OGG1: variants seen among roughly 807,000 people sequenced by gnomAD.
OGG1 encodes the protein N-glycosylase/DNA lyase.
Under a neutral mutation model 42.3 loss-of-function variants are expected in OGG1, and 35 were observed. The ratio of observed to expected loss-of-function variants is 0.83; its 90% CI spans 0.63 to 1.10. OGG1 has a LOEUF of 1.10. OGG1 is among the 50% of genes least tolerant of loss of function. The probability of loss-of-function intolerance (pLI) is 0.00; values close to 1 mark genes in which losing one functional copy is unlikely to be tolerated. For synonymous variants in OGG1, 189 were observed against 179.0 expected (o/e 1.06, Z -0.44); for missense variants, 484 against 446.7 (o/e 1.08, Z -0.75).
intron 3 of OGG1, among the ~76,000 whole-genome samples, chr3:9,785,942 G>GTT (rs555853526): frequency 2.8e-4 from 40 of 144,094 alleles, no homozygotes; most frequent in South Asian, 4.4e-4. Context: ...GTTTTGTTTT[G>GTT]TTTTTTTTTT....
At position 9,777,131 on chromosome 3, in the gene OGG1, G is replaced by A. The variant is rs1041662849; in HGVS notation, c.295-4382G>A. 3.9e-5 allele frequency among the ~76,000 whole-genome samples: 6 copies of A among 152,158 alleles called. No homozygotes were observed. The South Asian group carries it at 8.3e-4, about 21-fold the overall frequency. On this transcript the variant is annotated intron_variant, in intron 2 of 3. Coordinates refer to the OGG1 transcript ENST00000426518. ...CTGTGGGTCAGAGCTCACCCTCCCC[G>A]TTCTCACTCACCCTGGTGTTGCTGA...
chr3:9,758,843 T>A (rs2077711292), downstream of OGG1: 2 of 308,284 alleles, frequency 6.5e-6, no homozygotes, highest in African/African-American at 4.4e-5. Flanking sequence ...TTGGCCAGGA[T>A]GGTCTTGAAC....
At chr3:9,760,548 G>T (rs2077806911), downstream of OGG1, 2 of 1,096,336 alleles carry the variant, frequency 1.8e-6, no homozygotes, top group Admixed American at 1.8e-5. Flanking sequence ...CTCTTTGTGT[G>T]GTGCTGGAAA....
At chr3:9,778,734 A>T (rs960763037) in intron 2 of OGG1, among the ~76,000 whole-genome samples, 1 of 152,162 alleles carries the variant, frequency 6.6e-6, no homozygotes, top group Admixed American at 6.5e-5. Flanking sequence ...CTTGGGTTAC[A>T]TGCCTGCTTC....
chr3:9,785,643 G>C (rs1364215792), intron 3 of OGG1, among the ~76,000 whole-genome samples: 1 of 152,216 alleles, frequency 6.6e-6, no homozygotes, highest in Non-Finnish European at 1.5e-5. Context: ...GAACACAGAA[G>C]AGAAATGATT....
intron 3 of OGG1, among the ~76,000 whole-genome samples, chr3:9,753,686 T>C (rs2077411419): frequency 2.0e-5 from 3 of 151,744 alleles, no homozygotes; most frequent in African/African-American, 7.3e-5. Context: ...TTCTTGAGTC[T>C]CAGCTCCTGG....
intron 3 of OGG1, chr3:9,784,244 A>G (rs764266712): frequency 7.1e-5 from 112 of 1,588,164 alleles, no homozygotes; most frequent in Non-Finnish European, 9.4e-5. Context: ...GTCAGACTCA[A>G]GAGCCAGCTT....
downstream of OGG1, among the ~76,000 whole-genome samples, chr3:9,767,149 A>G (rs994800287): frequency 2.0e-5 from 3 of 152,098 alleles, no homozygotes; most frequent in African/African-American, 7.2e-5. Context: ...CCCCAGCTCT[A>G]ATGCCCCATT....
At chr3:9,766,444 A>G in exon 8 of OGG1, 1 of 430,526 alleles carries the variant, frequency 2.3e-6, no homozygotes, top group South Asian at 2.1e-5. Context: ...GAACTTTTTT[A>G]GAAATGCAAA....
chr3:9,757,165 A>T lies in OGG1; in HGVS notation c.*15A>T. On this transcript the variant is annotated 3_prime_UTR_variant, in exon 7 of 7. Coordinates refer to ENST00000344629, the MANE Select transcript of OGG1 (RefSeq NM_002542.6). This position sits in a 1 kb window ranked among gnomAD's most constrained non-coding sequence, Gnocchi z 4.5. Reference sequence around the variant, plus strand: ...CGGAAGGCTAGATGGGGCACCCTGGACAAAGAAATTCCCCAAGCACCTTCC... The same window carrying T: ...CGGAAGGCTAGATGGGGCACCCTGGTCAAAGAAATTCCCCAAGCACCTTCC... 1 of 1,614,030 alleles carries T rather than the reference A, an allele frequency of 6.2e-7. No individual in the cohort carries two copies.
chr3:9,766,344 G>A, exon 8 of OGG1: 1 of 676,142 alleles, frequency 1.5e-6, no homozygotes, highest in South Asian at 1.5e-5. Context: ...TGGATTATGT[G>A]TACAGTTGGT....
At chr3:9,759,384 A>G, downstream of OGG1, 1 of 1,564,022 alleles carries the variant, frequency 6.4e-7, no homozygotes, top group Non-Finnish European at 8.8e-7. Context: ...CTAAGCAGTT[A>G]CTGTGTGCCC....
At chr3:9,761,759 T>A (rs1177882879), downstream of OGG1, 1 of 1,613,918 alleles carries the variant, frequency 6.2e-7, no homozygotes, top group Admixed American at 1.7e-5. Flanking sequence ...ATTCTCTGGC[T>A]TGAAGGGCAG....
intron 3 of OGG1, chr3:9,787,315 G>A: frequency 6.2e-7 from 1 of 1,613,454 alleles, no homozygotes; most frequent in Non-Finnish European, 8.5e-7. Flanking sequence ...CCAGCGCTGG[G>A]AGTAGTGCTT....
chr3:9,762,893 C>G, intron 7 of OGG1: 3 of 1,613,532 alleles, frequency 1.9e-6, no homozygotes, highest in South Asian at 1.1e-5. Context: ...CCCTAGCTCA[C>G]CACACCCCCT....
intron 7 of OGG1, chr3:9,765,767 G>T (rs780631172): frequency 6.2e-7 from 1 of 1,613,992 alleles, no homozygotes; most frequent in Admixed American, 1.7e-5. Flanking sequence ...ACTTGTGCAG[G>T]ACAGCAATCT....
At chr3:9,790,622 T>C (rs80300745), downstream of OGG1, among the ~76,000 whole-genome samples, 15 of 152,380 alleles carry the variant, frequency 9.8e-5, no homozygotes, top group East Asian at 2.7e-3. Flanking sequence ...GGCATCTTTA[T>C]GCAGTGAATA....
At chr3:9,763,117 G>C (rs1313772170) in intron 7 of OGG1, 1 of 1,614,062 alleles carries the variant, frequency 6.2e-7, no homozygotes, top group Non-Finnish European at 8.5e-7. Context: ...TGTGGGGGCA[G>C]GGCAGAGGTT....
rs2077980231 is a variant in OGG1 at position 9,763,337 on chromosome 3, C to CT, written c.1049-2471dup. On this transcript the variant is annotated intron_variant, in intron 7 of 7. Transcript: ENST00000302008. ...GGCCCCAGCAGTTCAAAGCTGCAGT[C>CT]TGTTATGATTGCACCTGTGACTAGC... The CT allele has an allele frequency of 5.2e-6, 6 of 1,148,400 alleles. No homozygotes were observed. In the Admixed American group the frequency reaches 1.2e-4, roughly 23 times the overall value. The allele number at this position is 1,148,400 out of a possible 1,614,324, so 71.1% of individuals were successfully genotyped here.
Sources: gnomAD v4.1 joint callset for allele counts (sites outside exome capture counted in the v4.1 genomes callset) on GRCh38, gnomAD v4.1.1 for gene constraint, Gnocchi (gnomAD v3.1) non-coding constraint, MANE v1.5 for transcripts, NCBI Gene and HGNC (gene_info 2026-07-23, HGNC 2026-07-21) for gene names.